The following ANKS1B variants were observed in gnomAD, a reference collection of about 807,000 sequenced individuals.
ANKS1B encodes ankyrin repeat and sterile alpha motif domain containing 1B.
Under a neutral mutation model 148.3 loss-of-function variants are expected in ANKS1B, and 36 were observed. That is an observed-to-expected ratio of 0.24 (90% CI 0.19 to 0.32). The LOEUF is 0.32. Among genes scored for constraint, ANKS1B ranks in the 10% least tolerant of loss-of-function variants. ANKS1B has a pLI of 1.00. For synonymous variants in ANKS1B, 542 were observed against 560.8 expected, an observed-to-expected ratio of 0.97 and a Z score of 0.47; for missense variants, 1,157 against 1,542.6, an observed-to-expected ratio of 0.75 and a Z score of 4.19.
At chr12:99,131,901 C>G (rs1317231540) in intron 15 of ANKS1B, among the ~76,000 whole-genome samples, 1 of 152,192 alleles carries the variant, frequency 6.6e-6, no homozygotes, top group East Asian at 1.9e-4. Context: ...TGCTCTCCCC[C>G]TGCCTCTCCT....
intron 17 of ANKS1B, among the ~76,000 whole-genome samples, chr12:98,980,141 T>C (rs1417159532): frequency 6.6e-6 from 1 of 152,206 alleles, no homozygotes; most frequent in Admixed American, 6.5e-5. Context: ...CTTTAAAAAA[T>C]ATCCTCAATT....
chr12:99,173,233 C>A (rs1414560666), intron 14 of ANKS1B, among the ~76,000 whole-genome samples: 1 of 152,092 alleles, frequency 6.6e-6, no homozygotes, highest in East Asian at 1.9e-4. Flanking sequence ...TGCTTATTTA[C>A]CTTCTTGATA....
intron 17 of ANKS1B, among the ~76,000 whole-genome samples, chr12:98,892,189 CA>C (rs1182065878): frequency 6.6e-6 from 1 of 152,154 alleles, no homozygotes; most frequent in East Asian, 1.9e-4. Context: ...CAGAATGTGC[CA>C]ATGCTATAAA....
intron 17 of ANKS1B, among the ~76,000 whole-genome samples, chr12:98,835,028 C>T (rs1414195566): frequency 6.6e-6 from 1 of 152,048 alleles, no homozygotes; most frequent in Non-Finnish European, 1.5e-5. Flanking sequence ...GGACCTCATG[C>T]TGATGGTACT....
intron 12 of ANKS1B, among the ~76,000 whole-genome samples, chr12:99,394,522 T>C (rs2094180547): frequency 6.6e-6 from 1 of 152,088 alleles, no homozygotes; most frequent in East Asian, 2.0e-4. Flanking sequence ...AGGTCAGCAG[T>C]GACCCCCCCA....
At chr12:99,926,143 T>A (rs1012048508) in intron 1 of ANKS1B, among the ~76,000 whole-genome samples, 4 of 152,200 alleles carry the variant, frequency 2.6e-5, no homozygotes, top group Non-Finnish European at 5.9e-5. Context: ...AAAACCTGGG[T>A]TGCCAATTTA....
At chr12:98,967,751 T>TAAAAAAAAAAAAAAAAA (rs544792811) in intron 17 of ANKS1B, among the ~76,000 whole-genome samples, 1 of 81,358 alleles carries the variant, frequency 1.2e-5, no homozygotes, top group Non-Finnish European at 2.9e-5. Flanking sequence ...CAGACAAATC[T>TAAAAAAAAAAAAAAAAA]AAAAAAAAAA....
chr12:98,842,045 A>G (rs1002698826), intron 17 of ANKS1B, among the ~76,000 whole-genome samples: 1 of 152,204 alleles, frequency 6.6e-6, no homozygotes, highest in Non-Finnish European at 1.5e-5. Flanking sequence ...TTTCTAACAT[A>G]TAACCCAGCA....
chr12:99,240,045 T>C (rs2088941514), intron 14 of ANKS1B, among the ~76,000 whole-genome samples: 1 of 152,032 alleles, frequency 6.6e-6, no homozygotes, highest in Non-Finnish European at 1.5e-5. Context: ...AATGATAGGG[T>C]CAAATTCAAA....
At chr12:99,813,391 T>C (rs2068674850) in intron 2 of ANKS1B, among the ~76,000 whole-genome samples, 1 of 151,088 alleles carries the variant, frequency 6.6e-6, no homozygotes, top group Admixed American at 6.6e-5. Context: ...TAAAAATATA[T>C]ATATAATTAC....
chr12:98,788,670 G>A (rs1351763504), intron 22 of ANKS1B, among the ~76,000 whole-genome samples: 1 of 152,168 alleles, frequency 6.6e-6, no homozygotes, highest in African/African-American at 2.4e-5. Flanking sequence ...AGCACAAAGC[G>A]GTGCCCTCCG....
chr12:98,983,347 G>A (rs1309979607), intron 17 of ANKS1B, among the ~76,000 whole-genome samples: 1 of 152,140 alleles, frequency 6.6e-6, no homozygotes, highest in Non-Finnish European at 1.5e-5. Context: ...GCCACTCTCA[G>A]ATCCTTGTCC....
At chr12:99,878,370 A>T (rs568455932) in intron 1 of ANKS1B, among the ~76,000 whole-genome samples, 67 of 152,352 alleles carry the variant, frequency 4.4e-4, no homozygotes, top group African/African-American at 1.6e-3. Flanking sequence ...CGGCCTCTAC[A>T]ATGAAGAAAA....
At chr12:99,484,482 T>C (rs1393508885) in intron 10 of ANKS1B, among the ~76,000 whole-genome samples, 1 of 152,028 alleles carries the variant, frequency 6.6e-6, no homozygotes, top group African/African-American at 2.4e-5. Flanking sequence ...TAGGGTAAAA[T>C]GTTCTGTAAA....
At chr12:99,487,982 T>C (rs2096516042) in intron 10 of ANKS1B, among the ~76,000 whole-genome samples, 1 of 152,184 alleles carries the variant, frequency 6.6e-6, no homozygotes, top group African/African-American at 2.4e-5. Flanking sequence ...GCTTTTAATG[T>C]TTCAAGGCTG....
intron 1 of ANKS1B, among the ~76,000 whole-genome samples, chr12:99,889,417 T>A (rs2092988287): frequency 6.6e-6 from 1 of 152,200 alleles, no homozygotes; most frequent in Non-Finnish European, 1.5e-5. Flanking sequence ...GAAGTTAAGT[T>A]TAGAAAAATG....
intron 17 of ANKS1B, among the ~76,000 whole-genome samples, chr12:98,940,087 G>A (rs972372828): frequency 6.6e-6 from 1 of 152,166 alleles, no homozygotes; most frequent in Non-Finnish European, 1.5e-5. Context: ...CTGAGTTCAG[G>A]CCCCACTGTG....
chr12:99,493,769 G>A (rs953510812), intron 10 of ANKS1B, among the ~76,000 whole-genome samples: 2 of 152,104 alleles, frequency 1.3e-5, no homozygotes, highest in African/African-American at 4.8e-5. Context: ...TAAGGTTGAG[G>A]TGCCCTTGGA....
At chr12:99,297,926 T>C (rs1195242757) in intron 12 of ANKS1B, among the ~76,000 whole-genome samples, 1 of 152,164 alleles carries the variant, frequency 6.6e-6, no homozygotes, top group African/African-American at 2.4e-5. Context: ...GCTTTGTTTT[T>C]AATTAATCCA....
Sources: gnomAD v4.1 joint callset for allele counts (sites outside exome capture counted in the v4.1 genomes callset) on GRCh38, gnomAD v4.1.1 for gene constraint, MANE v1.5 for transcripts, NCBI Gene and HGNC (gene_info 2026-07-23, HGNC 2026-07-21) for gene names.